Variants in MED14 observed in about 807,000 individuals in gnomAD.
MED14 encodes mediator of RNA polymerase II transcription subunit 14.
MED14 carries 8 observed loss-of-function variants against 109.0 expected under a neutral mutation model. The ratio of observed to expected loss-of-function variants is 0.07; its 90% confidence interval spans 0.04 to 0.13. The LOEUF (loss-of-function observed/expected upper bound fraction) is 0.13. MED14 is among the 10% of genes least tolerant of loss of function. The pLI, the probability that MED14 is intolerant of heterozygous loss-of-function variation, is 1.00. For synonymous variants in MED14, 399 were observed against 408.7 expected (o/e 0.98, Z 0.29); for missense variants, 711 against 1,142.4 (o/e 0.62, Z 5.44).
intron 10 of MED14, among the ~76,000 whole-genome samples, chrX:40,707,435 A>ACG (rs1369897214): frequency 8.9e-6 from 1 of 111,895 alleles, no homozygotes; most frequent in African/African-American, 3.3e-5. Context: ...TCCTAGGTGT[A>ACG]CAGCCAAGAG....
chrX:40,679,467 G>A lies in MED14; in HGVS notation c.2880+397C>T, dbSNP rs757718224. On this transcript the variant is annotated intron_variant, in intron 21 of 30. Coordinates refer to ENST00000324817, the MANE Select transcript of MED14 (RefSeq NM_004229.4). ...AGTTGCAGTGAGCCAAGATTGTGCC[G>A]CTGCACTCCAGCCTGGGTGACAGAG... Among the ~76,000 whole-genome samples, 4 of 111,451 alleles carry A rather than the reference G, an allele frequency of 3.6e-5. No individual in the cohort carries two copies. The East Asian group carries it at 1.1e-3, about 32-fold the overall frequency.
At chrX:40,724,553 C>T (rs1931834199) in intron 3 of MED14, among the ~76,000 whole-genome samples, 1 of 111,477 alleles carries the variant, frequency 9.0e-6, no homozygotes, top group Non-Finnish European at 1.9e-5. Flanking sequence ...TACAAACACA[C>T]GGAAACAATA....
intron 10 of MED14, among the ~76,000 whole-genome samples, chrX:40,708,002 C>A (rs1055356945): frequency 1.8e-5 from 2 of 111,109 alleles, no homozygotes; most frequent in Admixed American, 9.6e-5. Context: ...ACTTTCCAAT[C>A]ATAATTTTTA....
chrX:40,666,557 T>C (rs1929493317), intron 24 of MED14, among the ~76,000 whole-genome samples, 163 bp downstream of exon 24: 1 of 112,132 alleles, frequency 8.9e-6, no homozygotes, highest in South Asian at 3.7e-4. Flanking sequence ...TCGTTACCTC[T>C]GTGTGGTGGG....
intron 21 of MED14, among the ~76,000 whole-genome samples, chrX:40,678,171 T>C (rs1042682628): frequency 9.0e-6 from 1 of 111,504 alleles, no homozygotes; most frequent in Non-Finnish European, 1.9e-5. Context: ...TCCCCTTTCA[T>C]CCTTTTGCAG....
rs562296083 is a variant in MED14 at position 40,661,452 on chromosome X, T to C, written c.3684+1473A>G. On this transcript the variant is annotated intron_variant, in intron 26 of 30. Coordinates refer to ENST00000324817, the MANE Select transcript of MED14 (RefSeq NM_004229.4). ...GTCTCAAACTCCTGACCTCAAGTGATCCGCCCGCCTCAGTCTCCCAAAGTG... is the reference window on the plus strand; with the variant it reads ...GTCTCAAACTCCTGACCTCAAGTGACCCGCCCGCCTCAGTCTCCCAAAGTG... 1.3e-4 allele frequency among the ~76,000 whole-genome samples: 15 copies of C among 111,676 alleles called. No homozygotes were observed. The South Asian group carries it at 3.3e-3, about 25-fold the overall frequency.
chrX:40,662,157 T>C (rs929684398), intron 26 of MED14, among the ~76,000 whole-genome samples: 1 of 112,001 alleles, frequency 8.9e-6, no homozygotes, highest in African/African-American at 3.2e-5. Flanking sequence ...TGAGCCACCG[T>C]GCCCGTCCTG....
At position 40,714,537 on chromosome X, in the gene MED14, C is replaced by T; in HGVS notation, c.522G>A (p.Arg174=). The T allele has an allele frequency of 1.7e-6, 2 of 1,210,224 alleles. No homozygotes were observed. Among genetic ancestry groups the T allele is most frequent in the South Asian group, 1.8e-5 (1 of 56,679 alleles). Reference sequence around the variant, plus strand: ...ACATGGGGGCAAGCAAAGAACTTACCCTAATGCAGGTTGGCAGCCGTGGGT... The same window carrying T: ...ACATGGGGGCAAGCAAAGAACTTACTCTAATGCAGGTTGGCAGCCGTGGGT... ...GSYPRLPTCI[R]DKIIPPDPIT... is the part of the protein sequence containing the mutation. Residue 174 remains arginine, a splice_region_variant and synonymous_variant, in exon 4 of 31, where the codon AGG becomes AGA. Transcript: ENST00000324817.
In MED14 at chrX:40,680,008, G is replaced by T. The variant is rs1399610322; in HGVS notation, c.2736C>A (p.Thr912=). The change falls in exon 21 of 31, where the codon ACC becomes ACA. Residue 912 remains threonine (T), a synonymous_variant. Transcript: ENST00000324817. Reference sequence around the variant, plus strand: ...TGTTCCTGAAGGCCAGTCTGATGTGGGTGGACGACTGTGGCAGAATGGAGA... The same window carrying T: ...TGTTCCTGAAGGCCAGTCTGATGTGTGTGGACGACTGTGGCAGAATGGAGA... ...QCFSILPQSS[T]HIRLAFRNMY... is the part of the protein sequence containing the mutation. The T allele has an allele frequency of 4.1e-6, 5 of 1,208,739 alleles. No homozygotes were observed. The South Asian group carries it at 8.8e-5, about 21-fold the overall frequency.
chrX:40,730,618 T>C (rs1932042696), intron 1 of MED14, among the ~76,000 whole-genome samples: 1 of 111,305 alleles, frequency 9.0e-6, no homozygotes, highest in Non-Finnish European at 1.9e-5. Context: ...GTAGTATCAG[T>C]TCAGGGACAA....
rs1928780932 is a variant in MED14, at chrX:40,649,534, A to G, written c.*2272T>C. On this transcript the variant is annotated 3_prime_UTR_variant, in exon 31 of 31. Coordinates refer to ENST00000324817, the MANE Select transcript of MED14 (RefSeq NM_004229.4). ...ACATCTTCATCAAAATTAACTAGAGAGTTGGTAGTTCTCTGAAACTTTGTA... is the reference window on the plus strand; with the variant it reads ...ACATCTTCATCAAAATTAACTAGAGGGTTGGTAGTTCTCTGAAACTTTGTA... The G allele has an allele frequency of 8.5e-6, 6 of 703,956 alleles. No individual in the cohort carries two copies. The highest frequency in any genetic ancestry group is 1.1e-5 in the Non-Finnish European group (6 of 538,836). The allele number at this position is 703,956 out of a possible 1,213,427, so 58.0% of individuals were successfully genotyped here.
At chrX:40,686,397 A>G (rs1930295563) in intron 16 of MED14, among the ~76,000 whole-genome samples, 1 of 111,100 alleles carries the variant, frequency 9.0e-6, no homozygotes, top group East Asian at 2.8e-4. Flanking sequence ...ACTTATCTAC[A>G]GGTGCCTAGA....
In MED14 at chrX:40,709,469, T is replaced by G; in HGVS notation, c.1174-10A>C. The G allele has an allele frequency of 3.2e-6, 3 of 935,254 alleles. No individual in the cohort carries two copies. The highest frequency in any genetic ancestry group is 4.4e-6 in the Non-Finnish European group (3 of 679,018). 77.1% of individuals were successfully genotyped at this position (935,254 alleles called of 1,213,427 possible). A position where few individuals can be genotyped will look rare whatever the true frequency, so the allele number is the denominator to read the frequency against. Reference sequence around the variant, plus strand: ...TTGATAAGTGGTCGATCTGCATAAATAAGAACAACAAATTCAAATGTGCAA... The same window carrying G: ...TTGATAAGTGGTCGATCTGCATAAAGAAGAACAACAAATTCAAATGTGCAA... On this transcript the variant is annotated splice_polypyrimidine_tract_variant and intron_variant, in intron 9 of 30. Coordinates refer to ENST00000324817, the MANE Select transcript of MED14 (RefSeq NM_004229.4).
Position 40,682,976 on chromosome X carries a change from A to T in MED14, c.2078T>A (p.Ile693Lys). The stretch of plus-strand genomic sequence containing the variant: ...CAGAGCCTTTTGGGTTTCCTCAGTT[A>T]TACCCTTACAGGGAGGAATTCTGGT... The part of the protein sequence containing the change: ...RLLKIPPCKG[I>K]TEETQKALDR... The change falls in exon 17 of 31, where the codon ATA becomes AAA. Residue 693 changes from isoleucine to lysine, a missense_variant. By Grantham distance (102) the Ile-to-Lys change is moderately radical. Transcript: ENST00000324817. The T allele has an allele frequency of 8.3e-7, 1 of 1,208,193 alleles. No homozygotes were observed. Among genetic ancestry groups the T allele is most frequent in the Non-Finnish European group, 1.1e-6 (1 of 893,718 alleles).
intron 1 of MED14, among the ~76,000 whole-genome samples, chrX:40,731,493 A>G (rs1209937152): frequency 2.7e-5 from 3 of 111,905 alleles, no homozygotes. Context: ...ATTAATAATT[A>G]CCACAATCAA....
Position 40,682,855 on chromosome X carries a change from G to A in MED14, c.2199C>T (p.Gly733=). 1 of 1,211,128 alleles carries A rather than the reference G, an allele frequency of 8.3e-7. No individual in the cohort carries two copies. The highest frequency in any genetic ancestry group is 1.8e-5 in the South Asian group (1 of 56,865). The change falls in exon 17 of 31, where the codon GGC becomes GGT. Residue 733 remains glycine, a synonymous_variant. Coordinates refer to ENST00000324817, the MANE Select transcript of MED14 (RefSeq NM_004229.4). ...TCTCACCTTGCTCCCTAGTAGAAGT[G>A]CCATTAAGTGGACAATTTGCAAACA... ...ELVFANCPLN[G]TSTREQGPSR...
Position 40,682,954 on chromosome X carries a change from A to G in MED14, c.2100T>C (p.Ala700=). The G allele has an allele frequency of 1.7e-6, 2 of 1,210,764 alleles. No individual in the cohort carries two copies. Among genetic ancestry groups the G allele is most frequent in the Non-Finnish European group, 2.2e-6 (2 of 894,959 alleles). Residue 700 remains alanine, a synonymous_variant, in exon 17 of 31, where the codon GCT becomes GCC. Coordinates refer to ENST00000324817, the MANE Select transcript of MED14 (RefSeq NM_004229.4). The part of the protein sequence containing the change: ...CKGITEETQK[A]LDRSLLDCTF... ...TGCAATCAAGAAGAGAGCGGTCCAG[A>G]GCCTTTTGGGTTTCCTCAGTTATAC...
Position 40,679,968 on chromosome X carries a change from T to C in MED14, c.2776A>G (p.Ile926Val). 1 of 1,210,509 alleles carries C rather than the reference T, an allele frequency of 8.3e-7. No homozygotes were observed. Among genetic ancestry groups the C allele is most frequent in the Non-Finnish European group, 1.1e-6 (1 of 894,435 alleles). The change falls in exon 21 of 31, where the codon ATA becomes GTA. Residue 926 changes from isoleucine to valine, a missense_variant. Coordinates refer to ENST00000324817, the MANE Select transcript of MED14 (RefSeq NM_004229.4). ...ACAACACCTCGACTCCGGCAGTATATATCAATGCAATACATGTTCCTGAAG... is the reference window on the plus strand; with the variant it reads ...ACAACACCTCGACTCCGGCAGTATACATCAATGCAATACATGTTCCTGAAG... ...LAFRNMYCID[I>V]YCRSRGVVAI...
intron 14 of MED14, 89 bp downstream of exon 14, chrX:40,692,619 C>G: frequency 2.2e-6 from 2 of 913,231 alleles, no homozygotes; most frequent in Non-Finnish European, 1.5e-6. Context: ...AAAACTGTAT[C>G]TTAGTTCTTT....
Sources: gnomAD v4.1 joint callset for allele counts (sites outside exome capture counted in the v4.1 genomes callset) on GRCh38, gnomAD v4.1.1 for gene constraint, MANE v1.5 for transcripts, NCBI Gene and HGNC (gene_info 2026-07-23, HGNC 2026-07-21) for gene names.